Variants in ARHGEF3 observed in about 807,000 individuals in gnomAD.
ARHGEF3 encodes the protein 59.8 kDA protein.
A neutral mutation model predicts 63.2 loss-of-function variants in ARHGEF3; 28 were observed. The ratio of observed to expected loss-of-function variants is 0.44; its 90% CI spans 0.33 to 0.61. ARHGEF3 has a LOEUF of 0.61. ARHGEF3 is among the 20% of genes least tolerant of loss of function. The pLI is 0.03. For synonymous variants in ARHGEF3, 266 were observed against 254.2 expected, an observed-to-expected ratio of 1.05 and a Z score of -0.44; for missense variants, 533 against 659.3, an observed-to-expected ratio of 0.81 and a Z score of 2.10.
At chr3:57,035,093 C>T in exon 2 of ARHGEF3, 1 of 1,543,496 alleles carries the variant, frequency 6.5e-7, no homozygotes, top group Non-Finnish European at 8.7e-7. Context: ...TTTACCTTTC[C>T]TTGTTTTCTT....
chr3:56,743,624 C>A (rs1343589253), intron 7 of ARHGEF3, among the ~76,000 whole-genome samples: 1 of 152,114 alleles, frequency 6.6e-6, no homozygotes, highest in Non-Finnish European at 1.5e-5. Flanking sequence ...ATACTCAATG[C>A]CAGCAATTAT....
chr3:56,910,519 T>A (rs983057460), intron 3 of ARHGEF3, among the ~76,000 whole-genome samples: 1 of 152,212 alleles, frequency 6.6e-6, no homozygotes, highest in African/African-American at 2.4e-5. Flanking sequence ...AATAGACCTG[T>A]ATATATTTAT....
intron 2 of ARHGEF3, among the ~76,000 whole-genome samples, chr3:57,018,190 A>G (rs1703100602): frequency 1.3e-5 from 2 of 151,086 alleles, no homozygotes; most frequent in African/African-American, 4.9e-5. Context: ...GAGGCAGGAG[A>G]ATCACTTGAA....
At chr3:56,925,599 A>G (rs1267488780) in intron 3 of ARHGEF3, among the ~76,000 whole-genome samples, 2 of 146,914 alleles carry the variant, frequency 1.4e-5, no homozygotes, top group Non-Finnish European at 3.0e-5. Context: ...ATGGTAGGCT[A>G]AGCTAATTTA....
At chr3:57,016,930 T>C (rs540563126) in intron 2 of ARHGEF3, among the ~76,000 whole-genome samples, 1 of 152,108 alleles carries the variant, frequency 6.6e-6, no homozygotes, top group South Asian at 2.1e-4. Flanking sequence ...ACTGTGTCAC[T>C]GTCTGCCGGG....
chr3:56,735,058 C>T (rs147000189), intron 8 of ARHGEF3, among the ~76,000 whole-genome samples: 92 of 152,182 alleles, frequency 6.0e-4, no homozygotes, highest in African/African-American at 1.3e-3. Context: ...CCGAGGTGGA[C>T]GGATCACTTG....
intron 2 of ARHGEF3, among the ~76,000 whole-genome samples, chr3:56,968,075 A>ATATT (rs1700683881): frequency 1.6e-5 from 1 of 62,780 alleles, no homozygotes; most frequent in South Asian, 4.3e-4. Flanking sequence ...TATATAATAT[A>ATATT]TTATATATTT....
intron 2 of ARHGEF3, among the ~76,000 whole-genome samples, chr3:57,003,693 A>G (rs191869691): frequency 1.3e-5 from 2 of 152,308 alleles, no homozygotes; most frequent in East Asian, 1.9e-4. Context: ...GGTGGGCCCA[A>G]TGTGGTCAAA....
intron 2 of ARHGEF3, among the ~76,000 whole-genome samples, chr3:57,010,367 A>G (rs948928198): frequency 6.6e-6 from 1 of 151,254 alleles, no homozygotes; most frequent in African/African-American, 2.4e-5. Context: ...GAGGCAGGAG[A>G]ATGGCGTGAA....
intron 4 of ARHGEF3, among the ~76,000 whole-genome samples, chr3:56,822,728 C>A (rs987391339): frequency 6.6e-6 from 1 of 151,852 alleles, no homozygotes; most frequent in South Asian, 2.1e-4. Context: ...TGGCAGGCAC[C>A]TGTAATCCCA....
At chr3:56,960,035 C>G (rs115320465) in intron 2 of ARHGEF3, among the ~76,000 whole-genome samples, 2,564 of 152,298 alleles carry the variant, frequency 0.017, 73 homozygotes, top group African/African-American at 0.059. Flanking sequence ...CTTGACCTTT[C>G]TGCTGTAATC....
intron 4 of ARHGEF3, among the ~76,000 whole-genome samples, chr3:56,841,743 T>A (rs2108111613): frequency 6.6e-6 from 1 of 152,174 alleles, no homozygotes; most frequent in South Asian, 2.1e-4. Flanking sequence ...GCCATCAGAT[T>A]GATTTGAAAT....
intron 1 of ARHGEF3, among the ~76,000 whole-genome samples, chr3:57,051,158 T>A (rs2107303186): frequency 6.6e-6 from 1 of 152,314 alleles, no homozygotes; most frequent in Non-Finnish European, 1.5e-5. Context: ...CTACTTCTGG[T>A]ACATACTATG....
chr3:56,914,325 T>C (rs1286526427), intron 3 of ARHGEF3, among the ~76,000 whole-genome samples: 1 of 152,220 alleles, frequency 6.6e-6, no homozygotes, highest in African/African-American at 2.4e-5. Context: ...TTCATGTTCA[T>C]AGCAGCATTA....
chr3:56,754,060 T>C (rs1351985991), intron 3 of ARHGEF3, among the ~76,000 whole-genome samples: 2 of 152,234 alleles, frequency 1.3e-5, no homozygotes, highest in African/African-American at 4.8e-5. Context: ...GAGGCTGAGA[T>C]TGTAGGAAGA....
At chr3:56,748,761 C>T (rs373069705) in intron 6 of ARHGEF3, among the ~76,000 whole-genome samples, 2 of 151,910 alleles carry the variant, frequency 1.3e-5, no homozygotes, top group African/African-American at 2.4e-5. Flanking sequence ...CATTAGGGAG[C>T]GGGGACACTG....
At chr3:56,910,065 T>C (rs1172461861) in intron 3 of ARHGEF3, among the ~76,000 whole-genome samples, 2 of 152,218 alleles carry the variant, frequency 1.3e-5, no homozygotes, top group East Asian at 3.9e-4. Flanking sequence ...AGAGTAAATG[T>C]TTGTTATTGT....
intron 2 of ARHGEF3, among the ~76,000 whole-genome samples, chr3:56,762,152 C>T (rs9825368): frequency 0.21 from 31,167 of 152,000 alleles, 4,730 homozygotes; most frequent in African/African-American, 0.41. Flanking sequence ...GGGTGAGAAA[C>T]GCCAGTCCAC....
intron 2 of ARHGEF3, among the ~76,000 whole-genome samples, chr3:56,764,667 G>A (rs1025219006): frequency 1.3e-5 from 2 of 151,892 alleles, no homozygotes; most frequent in African/African-American, 4.8e-5. Context: ...AAGGTACTTT[G>A]TGCAGAACCT....
Sources: allele counts gnomAD v4.1 joint callset (sites outside exome capture counted in the v4.1 genomes callset), GRCh38; gene constraint gnomAD v4.1.1; transcripts MANE v1.5; gene names NCBI Gene and HGNC (gene_info 2026-07-23, HGNC 2026-07-21).